ADAM15: variants seen among roughly 807,000 people sequenced by gnomAD.
The protein encoded by ADAM15 is disintegrin and metalloproteinase domain-containing protein 15.
In ADAM15, 77 loss-of-function variants were observed where a neutral mutation model predicts 113.8. That is an observed-to-expected ratio of 0.68 (90% CI 0.56 to 0.82). ADAM15 has a LOEUF of 0.82. Ranked by LOEUF, ADAM15 falls within the 40% of genes least tolerant of loss-of-function variation. The pLI, the probability that ADAM15 is intolerant of heterozygous loss-of-function variation, is 0.00. For missense variants in ADAM15, 963 were observed against 1,120.1 expected (o/e 0.86, Z 2.00); for synonymous variants, 388 against 454.1 (o/e 0.85, Z 1.85).
intron 1 of ADAM15, chr1:155,052,425 C>G (rs760492391): frequency 1.3e-4 from 183 of 1,403,516 alleles, no homozygotes; most frequent in Non-Finnish European, 1.5e-4. Flanking sequence ...AGGAGGGCCA[C>G]AGGCTGCGCA....
chr1:155,058,339 G>A lies in ADAM15; in HGVS notation c.1815G>A (p.Val605=), dbSNP rs1193808855. The change falls in exon 15 of 23, where the codon GTG becomes GTA. Residue 605 remains valine, a synonymous_variant. Coordinates refer to ENST00000356955, the MANE Select transcript of ADAM15 (RefSeq NM_207197.3). This position sits in a 1 kb window ranked among gnomAD's most constrained non-coding sequence, Gnocchi z 4.3. The part of the protein sequence containing the change: ...IRDLLWETID[V]NGTELNCSWV... Reference sequence around the variant, plus strand: ...ATCTACTCTGGGAGACAATAGATGTGAATGGGACTGAGCTGAACTGCAGCT... The same window carrying A: ...ATCTACTCTGGGAGACAATAGATGTAAATGGGACTGAGCTGAACTGCAGCT... 1 of 1,613,960 alleles carries A rather than the reference G, an allele frequency of 6.2e-7. No homozygotes were observed. The highest frequency in any genetic ancestry group is 1.3e-5 in the African/African-American group (1 of 74,946).
chr1:155,051,374 G>T lies in ADAM15; in HGVS notation c.-13G>T. On this transcript the variant is annotated 5_prime_UTR_variant, in exon 1 of 23. Coordinates refer to ENST00000356955, the MANE Select transcript of ADAM15 (RefSeq NM_207197.3). Reference sequence around the variant, plus strand: ...GCACTTGCTGCCCTCGCCCGGCCCGGAGCGCCGCTGCCATGCGGCTGGCGC... The same window carrying T: ...GCACTTGCTGCCCTCGCCCGGCCCGTAGCGCCGCTGCCATGCGGCTGGCGC... The T allele has an allele frequency of 1.3e-6, 2 of 1,498,898 alleles. No homozygotes were observed. Among genetic ancestry groups the T allele is most frequent in the South Asian group, 1.3e-5 (1 of 79,318 alleles). 92.8% of individuals were successfully genotyped at this position (1,498,898 alleles called of 1,614,324 possible). A position where few individuals can be genotyped will look rare whatever the true frequency, so the allele number is the denominator to read the frequency against.
Position 155,062,441 on chromosome 1 carries a change from T to G in ADAM15, c.2550-19T>G. On this transcript the variant is annotated intron_variant, in intron 22 of 22. Transcript: ENST00000356955. This position sits in a 1 kb window ranked among gnomAD's most constrained non-coding sequence, Gnocchi z 7.0. Reference sequence around the variant, plus strand: ...GAAAGGGGCCTCTGACTCTTTTTTCTTGGCTTCCCGCAATCCAGACCAGCG... The same window carrying G: ...GAAAGGGGCCTCTGACTCTTTTTTCGTGGCTTCCCGCAATCCAGACCAGCG... 1 of 1,613,262 alleles carries G rather than the reference T, an allele frequency of 6.2e-7. No individual in the cohort carries two copies. Among genetic ancestry groups the G allele is most frequent in the Non-Finnish European group, 8.5e-7 (1 of 1,179,952 alleles).
chr1:155,053,386 A>G, intron 2 of ADAM15, 31 bp from the exon 3 acceptor site: 1 of 1,607,228 alleles, frequency 6.2e-7, no homozygotes, highest in South Asian at 1.1e-5. Context: ...GGACAGGTCT[A>G]GGGAGGTGAC....
intron 1 of ADAM15, chr1:155,051,717 A>T: frequency 2.6e-6 from 1 of 390,632 alleles, no homozygotes. Context: ...GGACACTTTC[A>T]GGCTCAGGTA....
intron 2 of ADAM15, 149 bp downstream of exon 2, chr1:155,052,926 A>G: frequency 9.6e-7 from 1 of 1,046,184 alleles, no homozygotes; most frequent in South Asian, 1.7e-5. Flanking sequence ...CTCCCACCAC[A>G]CCCCAGCACC....
Position 155,058,800 on chromosome 1 carries a change from G to C in ADAM15, c.1995+13G>C. ...CCATGGACATGGGGTGAGCTGGGAT[G>C]GGGGAAGTGGAAGGGGAGCAGAGAG... On this transcript the variant is annotated intron_variant, in intron 16 of 22. Transcript: ENST00000356955. The surrounding 1 kb of genome is among the most constrained non-coding windows in gnomAD (Gnocchi z 4.3). The C allele has an allele frequency of 6.2e-7, 1 of 1,606,270 alleles. No individual in the cohort carries two copies. Among genetic ancestry groups the C allele is most frequent in the African/African-American group, 1.3e-5 (1 of 74,750 alleles).
In ADAM15 at chr1:155,058,064, C is replaced by G. The variant is rs761971309; in HGVS notation, c.1630C>G (p.Pro544Ala). The change falls in exon 14 of 23, where the codon CCA becomes GCA. Residue 544 changes from proline to alanine, a missense_variant. Transcript: ENST00000356955. The surrounding 1 kb of genome is among the most constrained non-coding windows in gnomAD (Gnocchi z 4.3). ...LWGPGAQPAA[P>A]LCLQTANTRG... Reference sequence around the variant, plus strand: ...GGGACCTGGAGCCCAGCCCGCTGCGCCACTTTGCCTCCAGACAGCTAATAC... The same window carrying G: ...GGGACCTGGAGCCCAGCCCGCTGCGGCACTTTGCCTCCAGACAGCTAATAC... 7 of 1,614,132 alleles carry G rather than the reference C, an allele frequency of 4.3e-6. No homozygotes were observed. Among genetic ancestry groups the G allele is most frequent in the Admixed American group, 1.7e-5 (1 of 60,032 alleles).
In ADAM15 at chr1:155,057,597, C is replaced by A; in HGVS notation, c.1324-40C>A. The A allele has an allele frequency of 1.9e-6, 3 of 1,607,064 alleles. No homozygotes were observed. The highest frequency in any genetic ancestry group is 2.6e-6 in the Non-Finnish European group (3 of 1,173,904). On this transcript the variant is annotated intron_variant, in intron 12 of 22. Coordinates refer to ENST00000356955, the MANE Select transcript of ADAM15 (RefSeq NM_207197.3). This position sits in a 1 kb window ranked among gnomAD's most constrained non-coding sequence, Gnocchi z 5.0. ...AGATTGGAGGGAGGCTCACAGGCCCCACCTGCTCTGATGCCCGGCCCCCGT... is the reference window on the plus strand; with the variant it reads ...AGATTGGAGGGAGGCTCACAGGCCCAACCTGCTCTGATGCCCGGCCCCCGT...
At chr1:155,059,305 G>A (rs899246418) in intron 16 of ADAM15, among the ~76,000 whole-genome samples, 5 of 152,050 alleles carry the variant, frequency 3.3e-5, no homozygotes, top group Admixed American at 2.6e-4. Flanking sequence ...GACCTCAAGT[G>A]ATCCTCCCGC....
Position 155,056,590 on chromosome 1 carries a change from T to G in ADAM15, c.999+120T>G. 1 of 953,272 alleles carries G rather than the reference T, an allele frequency of 1.0e-6. No homozygotes were observed. The allele number at this position is 953,272 out of a possible 1,614,324, so 59.1% of individuals were successfully genotyped here. A position where few individuals can be genotyped will look rare whatever the true frequency, so the allele number is the denominator to read the frequency against. ...ACCCCAAAGCTACAGGTATAGAGGG[T>G]GGAGGTACGTGATGTGGCCTTTGCT... On this transcript the variant is annotated intron_variant, in intron 10 of 22. Transcript: ENST00000356955. This position sits in a 1 kb window ranked among gnomAD's most constrained non-coding sequence, Gnocchi z 4.0.
Position 155,057,769 on chromosome 1 carries a change from C to T in ADAM15, c.1416+40C>T, listed in dbSNP as rs749420847. The T allele has an allele frequency of 1.6e-5, 26 of 1,613,828 alleles. No homozygotes were observed. The highest frequency in any genetic ancestry group is 5.3e-5 in the African/African-American group (4 of 74,920). On this transcript the variant is annotated intron_variant, in intron 13 of 22. Transcript: ENST00000356955. This position sits in a 1 kb window ranked among gnomAD's most constrained non-coding sequence, Gnocchi z 5.0. ...GACTGGCCACCCGGAGCTCACCTGC[C>T]GGGGCCAAGGTGGAAAGGGTCATTC...
Position 155,057,484 on chromosome 1 carries a change from G to T in ADAM15, c.1323+122G>T, listed in dbSNP as rs1558127104. ...GGGACTTTCCACCCCTCTCCTACTT[G>T]CCCTGTCTGTGGGGACAGCACATGG... is the stretch of plus-strand genomic sequence containing the variant. On this transcript the variant is annotated intron_variant, in intron 12 of 22. Coordinates refer to ENST00000356955, the MANE Select transcript of ADAM15 (RefSeq NM_207197.3). This position sits in a 1 kb window ranked among gnomAD's most constrained non-coding sequence, Gnocchi z 5.0. 1.3e-6 allele frequency: 2 copies of T among 1,496,862 alleles called. No individual in the cohort carries two copies. The highest frequency in any genetic ancestry group is 4.6e-5 in the East Asian group (2 of 43,664). The allele number at this position is 1,496,862 out of a possible 1,614,324, so 92.7% of individuals were successfully genotyped here. A position where few individuals can be genotyped will look rare whatever the true frequency, so the allele number is the denominator to read the frequency against.
intron 6 of ADAM15, 64 bp downstream of exon 6, chr1:155,054,570 A>G: frequency 2.7e-6 from 4 of 1,479,046 alleles, no homozygotes; most frequent in Non-Finnish European, 3.6e-6. Flanking sequence ...AGACACTTAG[A>G]GCTATGTGTG....
At chr1:155,052,541 CAATGTGGA>C in intron 1 of ADAM15, 122 bp from the exon 2 acceptor site, 3 of 1,549,114 alleles carry the variant, frequency 1.9e-6, no homozygotes, top group Non-Finnish European at 2.6e-6. Context: ...TCTCAGCATG[CAATGTGGA>C]AGCCCCTCAG....
chr1:155,052,874 G>A (rs1661261479), intron 2 of ADAM15, 97 bp downstream of exon 2: 2 of 1,476,006 alleles, frequency 1.4e-6, no homozygotes, highest in Non-Finnish European at 1.8e-6. Context: ...GAGCTGGTGG[G>A]TAGAGCTCAC....
chr1:155,061,718 G>A (rs1030483882), intron 20 of ADAM15, 186 bp from the exon 21 acceptor site: 3 of 797,754 alleles, frequency 3.8e-6, no homozygotes, highest in East Asian at 5.5e-5. Flanking sequence ...CAGGGACTGC[G>A]GTTGACCTAC....
Position 155,055,922 on chromosome 1 carries a change from TGGCCTA to T in ADAM15, c.676-9_676-4del. On this transcript the variant is annotated splice_region_variant and splice_polypyrimidine_tract_variant and intron_variant, in intron 7 of 22. Coordinates refer to ENST00000356955, the MANE Select transcript of ADAM15 (RefSeq NM_207197.3). ...CTGCCGCCTTTCATGTCACCTCTCT[TGGCCTA>T]CAGGCCCAGAAATACCGGGACTTCC... 1 of 1,614,140 alleles carries T rather than the reference TGGCCTA, an allele frequency of 6.2e-7. No individual in the cohort carries two copies. Among genetic ancestry groups the T allele is most frequent in the Non-Finnish European group, 8.5e-7 (1 of 1,179,982 alleles).
At chr1:155,059,349 G>T (rs1662237428) in intron 16 of ADAM15, among the ~76,000 whole-genome samples, 2 of 152,102 alleles carry the variant, frequency 1.3e-5, no homozygotes, top group Admixed American at 6.5e-5. Context: ...TTATAGGGGT[G>T]AGCCACTGCA....
Sources: gnomAD v4.1 joint callset for allele counts (sites outside exome capture counted in the v4.1 genomes callset) on GRCh38, gnomAD v4.1.1 for gene constraint, Gnocchi (gnomAD v3.1) non-coding constraint, MANE v1.5 for transcripts, NCBI Gene and HGNC (gene_info 2026-07-23, HGNC 2026-07-21) for gene names.